Variants in ESR2 observed in about 807,000 individuals in gnomAD.
ESR2 encodes the protein estrogen receptor 2.
ESR2 carries 36 observed loss-of-function variants against 49.6 expected under a neutral mutation model. That is an observed-to-expected ratio of 0.73 (90% CI 0.56 to 0.96). The LOEUF (loss-of-function observed/expected upper bound fraction) is 0.96. Among genes scored for constraint, ESR2 ranks in the 40% least tolerant of loss-of-function variants. The pLI, the probability that ESR2 is intolerant of heterozygous loss-of-function variation, is 0.00. For missense variants in ESR2, 714 were observed against 693.0 expected (o/e 1.03, Z -0.34); for synonymous variants, 320 against 266.1 (o/e 1.20, Z -1.97).
chr14:64,227,850 T>C (rs1464312766), downstream of ESR2: 2 of 1,590,558 alleles, frequency 1.3e-6, no homozygotes, highest in Non-Finnish European at 1.7e-6. Context: ...AAATCTTTCA[T>C]TGCCCACATG....
chr14:64,297,727 G>C (rs1567787676), upstream of ESR2: 1 of 152,150 alleles, frequency 6.6e-6, no homozygotes, highest in Non-Finnish European at 1.5e-5. Flanking sequence ...CCCTGTAAAA[G>C]GCAAGAAAGC....
At chr14:64,235,661 C>G (rs1008994326) in intron 7 of ESR2, among the ~76,000 whole-genome samples, 1 of 152,214 alleles carries the variant, frequency 6.6e-6, no homozygotes, top group African/African-American at 2.4e-5. Flanking sequence ...ACCTCTGCAT[C>G]TCGCTTGAGT....
intron 5 of ESR2, 192 bp downstream of exon 5, chr14:64,260,257 G>T: frequency 1.3e-6 from 1 of 769,552 alleles, no homozygotes; most frequent in Non-Finnish European, 2.4e-6. Context: ...ATCAGAACAC[G>T]GCCTTGTTGA....
chr14:64,321,378 C>T (rs1017530617), intron 1 of ESR2, among the ~76,000 whole-genome samples: 1 of 151,478 alleles, frequency 6.6e-6, no homozygotes, highest in African/African-American at 2.4e-5. Context: ...GGCATTTGCA[C>T]AACTTTATTA....
At chr14:64,331,822 C>CAAAAAAAAAAAAAAAAAA (rs368932180) in intron 1 of ESR2, among the ~76,000 whole-genome samples, 2 of 52,418 alleles carry the variant, frequency 3.8e-5, no homozygotes, top group Non-Finnish European at 7.7e-5. Flanking sequence ...GACTCCATCT[C>CAAAAAAAAAAAAAAAAAA]AAAAAAAAAA....
chr14:64,257,398 C>G, intron 5 of ESR2, 34 bp from the exon 6 acceptor site: 1 of 1,611,206 alleles, frequency 6.2e-7, no homozygotes, highest in Non-Finnish European at 8.5e-7. Flanking sequence ...GACACCCCCA[C>G]CCCTCCTCCT....
At chr14:64,253,604 G>GTGTATATA (rs375688515) in intron 6 of ESR2, among the ~76,000 whole-genome samples, 139 of 142,896 alleles carry the variant, frequency 9.7e-4, no homozygotes, top group Middle Eastern at 3.5e-3. Flanking sequence ...GTGTGTGTGT[G>GTGTATATA]TATGTATGTG....
At position 64,231,861 on chromosome 14, in the gene ESR2, T is replaced by G. The variant is rs1394990418; in HGVS notation, c.*1276A>C. On this transcript the variant is annotated 3_prime_UTR_variant, in exon 9 of 9. Transcript: ENST00000341099. ...TAAAAGGTGAGTTAAAGTTGTCATT[T>G]CAGAGGTGCCCTTCTTCATGTCCTA... is the stretch of plus-strand genomic sequence containing the variant. 3 of 152,234 alleles carry G rather than the reference T, an allele frequency of 2.0e-5. No individual in the cohort carries two copies. Among genetic ancestry groups the G allele is most frequent in the African/African-American group, 7.2e-5 (3 of 41,472 alleles). 9.4% of individuals were successfully genotyped at this position (152,234 alleles called of 1,614,324 possible). A position where few individuals can be genotyped will look rare whatever the true frequency, so the allele number is the denominator to read the frequency against.
At chr14:64,338,378 A>C (rs910241523), upstream of ESR2, 1 of 154,630 alleles carries the variant, frequency 6.5e-6, no homozygotes, top group Non-Finnish European at 1.5e-5. Context: ...AGACCCAGGC[A>C]CTCCAGAGCA....
chr14:64,277,649 A>AT, intron 3 of ESR2, among the ~76,000 whole-genome samples: 1 of 148,804 alleles, frequency 6.7e-6, no homozygotes, highest in Admixed American at 6.7e-5. Context: ...AAAAAAAAAA[A>AT]GTTACATGCA....
intron 6 of ESR2, among the ~76,000 whole-genome samples, chr14:64,251,486 T>C (rs2075989513): frequency 2.0e-5 from 3 of 152,086 alleles, no homozygotes. Flanking sequence ...AAATCAATCC[T>C]ATTTTCCAGA....
At chr14:64,296,464 AC>A (rs2140857635), upstream of ESR2, among the ~76,000 whole-genome samples, 1 of 152,304 alleles carries the variant, frequency 6.6e-6, no homozygotes, top group African/African-American at 2.4e-5. Context: ...AAATTCTATT[AC>A]CCCCATTTTA....
intron 7 of ESR2, among the ~76,000 whole-genome samples, chr14:64,238,885 C>G (rs529281960): frequency 2.0e-5 from 3 of 152,292 alleles, no homozygotes; most frequent in Admixed American, 6.5e-5. Flanking sequence ...GCTCCTCTCA[C>G]CAGCCCACCT....
chr14:64,328,602 A>T (rs1185081944), intron 1 of ESR2, among the ~76,000 whole-genome samples: 1 of 152,196 alleles, frequency 6.6e-6, no homozygotes, highest in Non-Finnish European at 1.5e-5. Flanking sequence ...TTGTGTTGCT[A>T]TAAGGGAATA....
At chr14:64,277,625 CAAAA>C (rs55742946) in intron 3 of ESR2, among the ~76,000 whole-genome samples, 1 of 92,356 alleles carries the variant, frequency 1.1e-5, no homozygotes, top group East Asian at 3.8e-4. Flanking sequence ...ACTCCATCTC[CAAAA>C]AAAAAAAAAA....
At chr14:64,238,884 A>T (rs2075663597) in intron 7 of ESR2, among the ~76,000 whole-genome samples, 1 of 152,042 alleles carries the variant, frequency 6.6e-6, no homozygotes, top group South Asian at 2.1e-4. Flanking sequence ...TGCTCCTCTC[A>T]CCAGCCCACC....
chr14:64,338,176 T>G (rs910482422), upstream of ESR2: 2 of 154,782 alleles, frequency 1.3e-5, no homozygotes, highest in African/African-American at 4.8e-5. Flanking sequence ...GACGTGCGGG[T>G]GACAAAATCC....
intron 7 of ESR2, among the ~76,000 whole-genome samples, chr14:64,241,433 C>T (rs1408715240): frequency 2.0e-5 from 3 of 152,186 alleles, no homozygotes; most frequent in Non-Finnish European, 4.4e-5. Context: ...TTTGACTATT[C>T]TATGTCCATT....
chr14:64,232,472 T>C lies in ESR2; in HGVS notation c.*665A>G, dbSNP rs760433168. On this transcript the variant is annotated 3_prime_UTR_variant, in exon 9 of 9. Coordinates refer to ENST00000341099, the MANE Select transcript of ESR2 (RefSeq NM_001437.3). ...CTCATACACACATACCCCAAATTAT[T>C]GGCAGGCTCTGTGAATACAAATCGA... 6.6e-6 allele frequency: 1 copy of C among 152,240 alleles called. No individual in the cohort carries two copies. The highest frequency in any genetic ancestry group is 1.5e-5 in the Non-Finnish European group (1 of 68,070). 9.4% of individuals were successfully genotyped at this position (152,240 alleles called of 1,614,324 possible).
Sources: allele counts gnomAD v4.1 joint callset (sites outside exome capture counted in the v4.1 genomes callset), GRCh38; gene constraint gnomAD v4.1.1; transcripts MANE v1.5; gene names NCBI Gene and HGNC (gene_info 2026-07-23, HGNC 2026-07-21).